Variants in TTLL7 observed in about 807,000 individuals in gnomAD.
The protein encoded by TTLL7 is tubulin polyglutamylase TTLL7.
A neutral mutation model predicts 120.2 loss-of-function variants in TTLL7; 53 were observed. That is an observed-to-expected ratio of 0.44 (90% CI 0.35 to 0.55). TTLL7 has a LOEUF of 0.55. Ranked by LOEUF, TTLL7 falls within the 20% of genes least tolerant of loss-of-function variation. TTLL7 has a pLI of 0.00. For synonymous variants in TTLL7, 353 were observed against 351.7 expected, an observed-to-expected ratio of 1.00 and a Z score of -0.04; for missense variants, 803 against 1,054.7, an observed-to-expected ratio of 0.76 and a Z score of 3.31.
chr1:83,898,259 A>C (rs1245349712), intron 18 of TTLL7, among the ~76,000 whole-genome samples: 1 of 152,068 alleles, frequency 6.6e-6, no homozygotes, highest in African/African-American at 2.4e-5. Flanking sequence ...AAGAATTCTT[A>C]GTAAAATAAA....
intron 17 of TTLL7, among the ~76,000 whole-genome samples, chr1:83,905,983 T>G (rs1657167156): frequency 6.6e-6 from 1 of 152,068 alleles, no homozygotes; most frequent in Non-Finnish European, 1.5e-5. Context: ...ATTAGTTCTT[T>G]CTAAATCTTT....
intron 4 of TTLL7, 42 bp downstream of exon 4, chr1:83,949,822 TA>T (rs762257126): frequency 8.7e-6 from 14 of 1,607,480 alleles, no homozygotes; most frequent in Non-Finnish European, 1.2e-5. Context: ...GGAATCCATA[TA>T]ACTTTCCTCA....
intron 9 of TTLL7, among the ~76,000 whole-genome samples, chr1:83,929,925 T>C (rs972338976): frequency 4.6e-5 from 7 of 152,164 alleles, no homozygotes; most frequent in South Asian, 2.1e-4. Context: ...CTCAAACATA[T>C]GTATATATGC....
intron 19 of TTLL7, chr1:83,885,045 T>C (rs1654865962): frequency 7.2e-6 from 2 of 277,388 alleles, no homozygotes; most frequent in Non-Finnish European, 1.1e-5. Context: ...TCAAGATTTA[T>C]AGATGTAGAT....
At chr1:83,985,699 A>G (rs1333334632) in intron 1 of TTLL7, among the ~76,000 whole-genome samples, 1 of 152,160 alleles carries the variant, frequency 6.6e-6, no homozygotes, top group African/African-American at 2.4e-5. Context: ...ATAAATAAAT[A>G]AATAAATAAA....
At chr1:83,949,824 A>G in intron 4 of TTLL7, 41 bp downstream of exon 4, 1 of 1,608,442 alleles carries the variant, frequency 6.2e-7, no homozygotes, top group Non-Finnish European at 8.5e-7. Context: ...AATCCATATA[A>G]CTTTCCTCAT....
At chr1:83,995,783 C>CA (rs948784710) in intron 1 of TTLL7, among the ~76,000 whole-genome samples, 16 of 151,288 alleles carry the variant, frequency 1.1e-4, no homozygotes, top group African/African-American at 1.7e-4. Context: ...ATTCAAAATA[C>CA]AAAAAAAAGC....
intron 19 of TTLL7, among the ~76,000 whole-genome samples, chr1:83,888,823 CTT>C (rs1655193129): frequency 6.6e-6 from 1 of 151,460 alleles, no homozygotes. Context: ...GAAGTTTAAA[CTT>C]AAATTATAAA....
chr1:83,921,526 T>C, intron 10 of TTLL7, 132 bp from the exon 11 acceptor site: 1 of 923,916 alleles, frequency 1.1e-6, no homozygotes, highest in Non-Finnish European at 1.6e-6. Flanking sequence ...TATATTCACT[T>C]ACATTATATT....
chr1:83,939,576 C>G, intron 7 of TTLL7, among the ~76,000 whole-genome samples: 1 of 152,154 alleles, frequency 6.6e-6, no homozygotes, highest in East Asian at 1.9e-4. Flanking sequence ...AACCATATAG[C>G]AATCTGCAAG....
In TTLL7 at chr1:83,921,169, G is replaced by C; in HGVS notation, c.1291-9C>G. 1 of 1,610,096 alleles carries C rather than the reference G, an allele frequency of 6.2e-7. No homozygotes were observed. The highest frequency in any genetic ancestry group is 2.2e-5 in the East Asian group (1 of 44,832). On this transcript the variant is annotated splice_polypyrimidine_tract_variant and intron_variant, in intron 11 of 20. Coordinates refer to ENST00000260505, the MANE Select transcript of TTLL7 (RefSeq NM_024686.6). ...TGAGCGAGTCTCTCTTTCTGGAAATGAGAAAAATTTTACAAATAAAATCCA... is the reference window on the plus strand; with the variant it reads ...TGAGCGAGTCTCTCTTTCTGGAAATCAGAAAAATTTTACAAATAAAATCCA...
chr1:83,976,056 T>A (rs1651451377), intron 1 of TTLL7, among the ~76,000 whole-genome samples: 2 of 150,788 alleles, frequency 1.3e-5, no homozygotes, highest in African/African-American at 4.9e-5. Context: ...TGTGTGTGTG[T>A]GTGTGTGTGT....
rs751269883 is a variant in TTLL7 at position 83,911,288 on chromosome 1, T to G, written c.1663A>C (p.Ser555Arg). ...TCAGATTCTGAAGAGCTGCTGCTAC[T>G]ATCATAACTGCTGTCACTGCTGCAG... is the stretch of plus-strand genomic sequence containing the variant. ...KYCSSDSSYDSSSSSSESDEN... is the reference protein window; with the variant it reads ...KYCSSDSSYDRSSSSSESDEN... The change falls in exon 15 of 21, where the codon AGT (serine) becomes CGT (arginine). Residue 555 changes from serine to arginine, a missense_variant. By Grantham distance (110) the Ser-to-Arg change is moderately radical (BLOSUM62 -1). Transcript: ENST00000260505. The G allele has an allele frequency of 1.9e-6, 3 of 1,613,702 alleles. No homozygotes were observed. The East Asian group carries it at 6.7e-5, about 36-fold the overall frequency.
intron 1 of TTLL7, among the ~76,000 whole-genome samples, chr1:83,960,886 G>T (rs1018750124): frequency 6.6e-6 from 1 of 152,114 alleles, no homozygotes; most frequent in Non-Finnish European, 1.5e-5. Flanking sequence ...GGTATTTAGA[G>T]AAGCTACTTA....
At chr1:83,911,110 A>G (rs1657638305) in intron 15 of TTLL7, 55 bp downstream of exon 15, 1 of 1,460,910 alleles carries the variant, frequency 6.8e-7, no homozygotes, top group Non-Finnish European at 9.5e-7. Context: ...TGAGTTTAAT[A>G]ATTTCAGTTC....
chr1:83,908,965 T>C (rs1414938511), intron 15 of TTLL7, among the ~76,000 whole-genome samples: 2 of 152,058 alleles, frequency 1.3e-5, no homozygotes, highest in Non-Finnish European at 2.9e-5. Flanking sequence ...TTAACTTCCT[T>C]GTGAACCTGA....
chr1:83,871,845 C>T (rs1653435211), intron 20 of TTLL7, among the ~76,000 whole-genome samples: 3 of 141,964 alleles, frequency 2.1e-5, no homozygotes, highest in South Asian at 2.2e-4. Context: ...TGCAGTGAGC[C>T]GAGATCGTGC....
chr1:83,941,689 T>A (rs1414580054), intron 7 of TTLL7, among the ~76,000 whole-genome samples: 1 of 152,198 alleles, frequency 6.6e-6, no homozygotes, highest in Admixed American at 6.5e-5. Context: ...AAAAATAGGT[T>A]TAGAGGTTAA....
intron 18 of TTLL7, among the ~76,000 whole-genome samples, chr1:83,895,125 G>A (rs1163236550): frequency 1.3e-5 from 2 of 152,008 alleles, no homozygotes; most frequent in African/African-American, 4.8e-5. Flanking sequence ...TTAATGCCCA[G>A]TTCTTCCTTT....
Sources: allele counts gnomAD v4.1 joint callset (sites outside exome capture counted in the v4.1 genomes callset), GRCh38; gene constraint gnomAD v4.1.1; transcripts MANE v1.5; gene names NCBI Gene and HGNC (gene_info 2026-07-23, HGNC 2026-07-21).